The following HELZ variants were observed in gnomAD, a reference collection of about 807,000 sequenced individuals.
The protein encoded by HELZ is ATP-dependent RNA helicase with zinc finger domain.
Under a neutral mutation model 218.2 loss-of-function variants are expected in HELZ, and 23 were observed. That is an observed-to-expected ratio of 0.11 (90% confidence interval 0.08 to 0.15). The LOEUF (loss-of-function observed/expected upper bound fraction) is 0.15, where lower values mean the gene tolerates loss of function less well. Among genes scored for constraint, HELZ ranks in the 10% least tolerant of loss-of-function variants. HELZ has a pLI of 1.00. For missense variants in HELZ, 1,813 were observed against 2,353.7 expected, an observed-to-expected ratio of 0.77 and a Z score of 4.75; for synonymous variants, 814 against 829.4, an observed-to-expected ratio of 0.98 and a Z score of 0.32.
At chr17:67,212,513 A>G (rs546642051) in intron 5 of HELZ, among the ~76,000 whole-genome samples, 11 of 152,138 alleles carry the variant, frequency 7.2e-5, no homozygotes, top group African/African-American at 2.6e-4. Context: ...TTATACAAAA[A>G]TAATGTTACT....
Position 67,145,770 on chromosome 17 carries a change from A to AT in HELZ, c.2741dup (p.Asn914LysfsTer2). 1 of 1,611,538 alleles carries AT rather than the reference A, an allele frequency of 6.2e-7. No individual in the cohort carries two copies. The highest frequency in any genetic ancestry group is 8.5e-7 in the Non-Finnish European group (1 of 1,178,174). The stretch of plus-strand genomic sequence containing the variant: ...CTGCATTATTATAAAAAGCTGTGCT[A>AT]TTTTTTTCTTGTACATCTTCTCCTC... On this transcript the variant is annotated frameshift_variant, in exon 21 of 33. Coordinates refer to ENST00000358691, the MANE Select transcript of HELZ (RefSeq NM_014877.4). LOFTEE classifies it high-confidence loss of function.
chr17:67,111,271 T>G (rs2037272697), intron 28 of HELZ, among the ~76,000 whole-genome samples: 1 of 152,210 alleles, frequency 6.6e-6, no homozygotes, highest in Admixed American at 6.5e-5. Context: ...GGGAGTGTTG[T>G]CATCCTTCTG....
chr17:67,123,089 G>A lies in HELZ; in HGVS notation c.3511C>T (p.His1171Tyr), dbSNP rs375771540. 56 of 1,613,130 alleles carry A rather than the reference G, an allele frequency of 3.5e-5. No homozygotes were observed. In the African/African-American group the frequency reaches 4.9e-4, roughly 14 times the overall value. ...CTTGGAGATTTTCCCAAATTTGGGTGAGGTCCAAGAGGGGGTGGAGGAGTA... is the reference window on the plus strand; with the variant it reads ...CTTGGAGATTTTCCCAAATTTGGGTAAGGTCCAAGAGGGGGTGGAGGAGTA... ...AYTPPPPLGP[H>Y]PNLGKSPSPV... Residue 1171 changes from histidine to tyrosine, a missense_variant, in exon 26 of 33, where the codon CAC becomes TAC. Coordinates refer to ENST00000358691, the MANE Select transcript of HELZ (RefSeq NM_014877.4).
At chr17:67,098,265 G>A (rs535409181) in intron 31 of HELZ, among the ~76,000 whole-genome samples, 1 of 152,280 alleles carries the variant, frequency 6.6e-6, no homozygotes, top group South Asian at 2.1e-4. Flanking sequence ...CCACTCCCTT[G>A]AGTTAATAAC....
rs573738500 is a variant in HELZ, at chr17:67,115,163, G to A, written c.3839-760C>T. 4.5e-4 allele frequency among the ~76,000 whole-genome samples: 68 copies of A among 152,108 alleles called. 2 individuals are homozygous for A. Among genetic ancestry groups the A allele is most frequent in the Middle Eastern group, 6.8e-3 (2 of 294 alleles). On this transcript the variant is annotated intron_variant, in intron 27 of 32. Transcript: ENST00000358691. ...AAGAAATGAAAACTATAGTATCGGA[G>A]ATGAAGAAAGCACTGAATGGAATTA... is the stretch of plus-strand genomic sequence containing the variant.
At chr17:67,178,986 ATTAAAATTC>A in intron 12 of HELZ, 60 bp from the exon 13 acceptor site, 1 of 1,111,514 alleles carries the variant, frequency 9.0e-7, no homozygotes, top group Non-Finnish European at 1.3e-6. Context: ...TTTAAATAAC[ATTAAAATTC>A]TTAACTATAT....
chr17:67,163,200 T>C (rs1300023183), intron 15 of HELZ, among the ~76,000 whole-genome samples: 2 of 152,216 alleles, frequency 1.3e-5, no homozygotes, highest in African/African-American at 4.8e-5. Flanking sequence ...CAATATTTTA[T>C]AGAGATTACA....
chr17:67,158,045 C>T (rs914117399), intron 17 of HELZ, among the ~76,000 whole-genome samples: 19 of 152,176 alleles, frequency 1.2e-4, no homozygotes, highest in African/African-American at 4.6e-4. Flanking sequence ...TTTCTAAAAT[C>T]TCCATCTCCA....
intron 31 of HELZ, among the ~76,000 whole-genome samples, chr17:67,093,998 AT>A (rs1423894164): frequency 6.6e-6 from 1 of 152,112 alleles, no homozygotes; most frequent in Non-Finnish European, 1.5e-5. Flanking sequence ...GCAACATGTA[AT>A]TTACCCATAT....
At chr17:67,086,631 A>AATATATAT (rs71139116) in intron 32 of HELZ, among the ~76,000 whole-genome samples, 198 bp downstream of exon 32, 3,031 of 92,810 alleles carry the variant, frequency 0.033, 97 homozygotes, top group Non-Finnish European at 0.036. Context: ...TATAAATATA[A>AATATATAT]ATATATATAT....
chr17:67,103,732 A>T (rs1409667350), intron 31 of HELZ, among the ~76,000 whole-genome samples: 1 of 152,178 alleles, frequency 6.6e-6, no homozygotes, highest in Non-Finnish European at 1.5e-5. Context: ...TTTCTGAAGA[A>T]ATTAGTAAGC....
chr17:67,093,524 T>C (rs2036636494), intron 31 of HELZ, among the ~76,000 whole-genome samples: 1 of 152,242 alleles, frequency 6.6e-6, no homozygotes, highest in Non-Finnish European at 1.5e-5. Context: ...AACTATTTCC[T>C]GTGACGATGG....
At chr17:67,150,730 G>C (rs1948950037) in intron 18 of HELZ, among the ~76,000 whole-genome samples, 1 of 152,086 alleles carries the variant, frequency 6.6e-6, no homozygotes, top group African/African-American at 2.4e-5. Flanking sequence ...TGACCAACTA[G>C]AGAATAAATG....
chr17:67,205,497 ATAAG>A (rs552626892), intron 5 of HELZ, among the ~76,000 whole-genome samples: 108 of 152,326 alleles, frequency 7.1e-4, no homozygotes, highest in Middle Eastern at 3.4e-3. Context: ...AGTCTCCTGC[ATAAG>A]TAAGAATTCC....
chr17:67,082,102 T>A (rs1310124580), intron 32 of HELZ, among the ~76,000 whole-genome samples: 1 of 152,178 alleles, frequency 6.6e-6, no homozygotes, highest in Admixed American at 6.5e-5. Flanking sequence ...CAGAAAACTA[T>A]CCGGCTCCCC....
At chr17:67,123,213 GA>G in intron 25 of HELZ, 53 bp from the exon 26 acceptor site, 2 of 1,056,536 alleles carry the variant, frequency 1.9e-6, no homozygotes, top group Non-Finnish European at 2.6e-6. Context: ...TAGTCATCCA[GA>G]AAAAATAATT....
chr17:67,203,036 C>T (rs570284855), intron 6 of HELZ, among the ~76,000 whole-genome samples: 4 of 151,784 alleles, frequency 2.6e-5, no homozygotes, highest in Non-Finnish European at 4.4e-5. Flanking sequence ...GCAGGAGGAT[C>T]GCTTGAGCCC....
In HELZ at chr17:67,188,294, C is replaced by T. The variant is rs2039811079; in HGVS notation, c.1162+25G>A. On this transcript the variant is annotated intron_variant, in intron 12 of 32. Coordinates refer to ENST00000358691, the MANE Select transcript of HELZ (RefSeq NM_014877.4). The surrounding 1 kb of genome is among the most constrained non-coding windows in gnomAD (Gnocchi z 4.1). Reference sequence around the variant, plus strand: ...AATGTTGCTTTTTAACACATTGTATCGGGGGAAAAAAGTCTAAATATTACC... The same window carrying T: ...AATGTTGCTTTTTAACACATTGTATTGGGGGAAAAAAGTCTAAATATTACC... The T allele has an allele frequency of 6.3e-6, 10 of 1,578,170 alleles. No individual in the cohort carries two copies. Among genetic ancestry groups the T allele is most frequent in the African/African-American group, 1.4e-5 (1 of 74,002 alleles).
chr17:67,178,091 T>C (rs2039509336), intron 13 of HELZ, among the ~76,000 whole-genome samples: 2 of 152,208 alleles, frequency 1.3e-5, no homozygotes, highest in African/African-American at 4.8e-5. Context: ...ACTCTAACTT[T>C]CTTTTCTGAG....
Sources: allele counts gnomAD v4.1 joint callset (sites outside exome capture counted in the v4.1 genomes callset), GRCh38; gene constraint gnomAD v4.1.1; non-coding constraint Gnocchi (gnomAD v3.1); transcripts MANE v1.5; gene names NCBI Gene and HGNC (gene_info 2026-07-23, HGNC 2026-07-21).